SCN2A: variants seen among roughly 807,000 people sequenced by gnomAD.
The protein encoded by SCN2A is sodium channel protein type 2 subunit alpha.
Under a neutral mutation model 188.7 loss-of-function variants are expected in SCN2A, and 20 were observed. The ratio of observed to expected loss-of-function variants is 0.11; its 90% CI spans 0.07 to 0.15. SCN2A has a LOEUF of 0.15. Ranked by LOEUF, SCN2A falls within the 10% of genes least tolerant of loss-of-function variation. The pLI, the probability that SCN2A is intolerant of heterozygous loss-of-function variation, is 1.00. For missense variants in SCN2A, 1,278 were observed against 2,445.0 expected, an observed-to-expected ratio of 0.52 and a Z score of 10.07; for synonymous variants, 804 against 833.1, an observed-to-expected ratio of 0.97 and a Z score of 0.60.
intron 16 of SCN2A, among the ~76,000 whole-genome samples, chr2:165,353,441 G>A (rs187186923): frequency 1.1e-3 from 168 of 152,216 alleles, no homozygotes; most frequent in Admixed American, 4.4e-3. Context: ...AGTGTTTCCG[G>A]AAATCCAAAT....
chr2:165,305,910 G>A (rs1697099516), intron 3 of SCN2A, among the ~76,000 whole-genome samples: 2 of 152,184 alleles, frequency 1.3e-5, no homozygotes, highest in African/African-American at 4.8e-5. Flanking sequence ...GGACAAGGGA[G>A]ACGTAAGCAA....
At chr2:165,313,798 A>G (rs200375229) in intron 9 of SCN2A, 37 bp downstream of exon 9, 1 of 1,613,484 alleles carries the variant, frequency 6.2e-7, no homozygotes, top group African/African-American at 1.3e-5. Flanking sequence ...GAGAATCATA[A>G]AACACCGAAC....
chr2:165,313,245 C>A, intron 8 of SCN2A, among the ~76,000 whole-genome samples: 1 of 152,082 alleles, frequency 6.6e-6, no homozygotes. Context: ...CACTTCTTTA[C>A]CCTGTTCCCA....
At chr2:165,380,769 A>G in intron 24 of SCN2A, 40 bp downstream of exon 24, 1 of 1,465,708 alleles carries the variant, frequency 6.8e-7, no homozygotes, top group Non-Finnish European at 9.5e-7. Flanking sequence ...TGAAATATGA[A>G]CTAAATATTT....
At chr2:165,326,101 T>C (rs1024232613) in intron 12 of SCN2A, among the ~76,000 whole-genome samples, 3 of 152,170 alleles carry the variant, frequency 2.0e-5, no homozygotes, top group African/African-American at 7.2e-5. Flanking sequence ...ACATCATTGT[T>C]TGATCTCCTG....
At chr2:165,268,411 C>T (rs1464488826) in intron 1 of SCN2A, 2 of 151,816 alleles carry the variant, frequency 1.3e-5, no homozygotes, top group African/African-American at 4.8e-5. Flanking sequence ...GGATACATCA[C>T]ATAAACAATT....
chr2:165,380,016 C>A (rs1247412517), intron 23 of SCN2A, among the ~76,000 whole-genome samples: 3 of 151,792 alleles, frequency 2.0e-5, no homozygotes, highest in Non-Finnish European at 4.4e-5. Context: ...AACCTATATA[C>A]CTACATGCAG....
chr2:165,310,284 G>T, intron 6 of SCN2A, 39 bp from the exon 7 acceptor site: 1 of 1,609,154 alleles, frequency 6.2e-7, no homozygotes, highest in Non-Finnish European at 8.5e-7. Context: ...TAGCTGTTGA[G>T]TAGTATATTT....
At position 165,354,644 on chromosome 2, in the gene SCN2A, C is replaced by T. The variant is rs571408286; in HGVS notation, c.3372C>T (p.Ser1124=). The change falls in exon 17 of 27, where the codon AGC becomes AGT. Residue 1124 remains serine (S), a synonymous_variant. Transcript: ENST00000375437. ...FENLNTEEFS[S]ESDMEESKEK... Reference sequence around the variant, plus strand: ...ATTTAAATACTGAAGAATTCAGCAGCGAGTCAGATATGGAGGAAAGCAAAG... The same window carrying T: ...ATTTAAATACTGAAGAATTCAGCAGTGAGTCAGATATGGAGGAAAGCAAAG... The T allele has an allele frequency of 1.6e-3, 2,607 of 1,613,530 alleles. 69 individuals carry two copies. In the South Asian group the frequency reaches 0.027, roughly 17 times the overall value.
At chr2:165,283,724 C>T (rs1283424849) in intron 1 of SCN2A, among the ~76,000 whole-genome samples, 1 of 152,114 alleles carries the variant, frequency 6.6e-6, no homozygotes, top group Non-Finnish European at 1.5e-5. Context: ...TCATATTTCC[C>T]TTCTTAACTT....
intron 13 of SCN2A, 74 bp downstream of exon 13, chr2:165,327,058 A>G (rs1698395553): frequency 6.5e-7 from 1 of 1,544,002 alleles, no homozygotes; most frequent in South Asian, 1.1e-5. Flanking sequence ...AAATTTCAAT[A>G]AAATACTTCC....
intron 17 of SCN2A, among the ~76,000 whole-genome samples, chr2:165,364,317 C>A (rs1700612273): frequency 6.6e-6 from 1 of 152,138 alleles, no homozygotes; most frequent in Non-Finnish European, 1.5e-5. Flanking sequence ...ACTGGGATCC[C>A]TTCATGTATG....
At chr2:165,275,740 C>T (rs1385789448) in intron 1 of SCN2A, among the ~76,000 whole-genome samples, 1 of 148,598 alleles carries the variant, frequency 6.7e-6, no homozygotes, top group Non-Finnish European at 1.5e-5. Flanking sequence ...GAGTTATACC[C>T]TTTTTTTTTT....
chr2:165,283,108 A>G (rs868071713), intron 1 of SCN2A, among the ~76,000 whole-genome samples: 4 of 152,234 alleles, frequency 2.6e-5, no homozygotes, highest in South Asian at 4.1e-4. Context: ...GACAAAGATC[A>G]TAAATTAAAG....
chr2:165,307,785 G>T lies in SCN2A; in HGVS notation c.387-63G>T. 11 of 1,003,494 alleles carry T rather than the reference G, an allele frequency of 1.1e-5. 1 individual carries two copies. The Middle Eastern group carries it at 2.1e-3, about 188-fold the overall frequency. The allele number at this position is 1,003,494 out of a possible 1,614,324, so 62.2% of individuals were successfully genotyped here. A position where few individuals can be genotyped will look rare whatever the true frequency, so the allele number is the denominator to read the frequency against. ...AGTTTTAAACTTCATGGTGGTGAAG[G>T]CATGGTAGTGCATAAAAGTAAGATT... is the stretch of plus-strand genomic sequence containing the variant. On this transcript the variant is annotated intron_variant, in intron 3 of 26. Transcript: ENST00000375437.
chr2:165,338,140 T>A (rs1477437967), intron 14 of SCN2A, among the ~76,000 whole-genome samples: 3 of 152,210 alleles, frequency 2.0e-5, no homozygotes, highest in Non-Finnish European at 2.9e-5. Flanking sequence ...TTCCCACTTA[T>A]AAGTGAGAAC....
intron 1 of SCN2A, among the ~76,000 whole-genome samples, chr2:165,259,992 G>A (rs143295593): frequency 2.7e-3 from 374 of 136,186 alleles, no homozygotes; most frequent in African/African-American, 0.01. Flanking sequence ...AGGCTGGAGT[G>A]CAGTGGCATG....
intron 25 of SCN2A, 90 bp from the exon 26 acceptor site, chr2:165,386,656 A>C: frequency 7.6e-7 from 1 of 1,315,168 alleles, no homozygotes; most frequent in Non-Finnish European, 1.1e-6. Context: ...TATAAAAGCT[A>C]CATTTTTTGT....
At chr2:165,388,596 A>T in intron 26 of SCN2A, 33 bp from the exon 27 acceptor site, 1 of 1,613,458 alleles carries the variant, frequency 6.2e-7, no homozygotes, top group South Asian at 1.1e-5. Flanking sequence ...ATTAAGTATA[A>T]CAATATTTTT....
Sources: gnomAD v4.1 joint callset for allele counts (sites outside exome capture counted in the v4.1 genomes callset) on GRCh38, gnomAD v4.1.1 for gene constraint, MANE v1.5 for transcripts, NCBI Gene and HGNC (gene_info 2026-07-23, HGNC 2026-07-21) for gene names.